The following CAPN15 variants were observed in gnomAD, a reference collection of about 807,000 sequenced individuals.
CAPN15 encodes calpain-15.
A neutral mutation model predicts 97.9 loss-of-function variants in CAPN15; 53 were observed. That is an observed-to-expected ratio of 0.54 (90% CI 0.43 to 0.68). The LOEUF (loss-of-function observed/expected upper bound fraction) is 0.68, where lower values mean the gene tolerates loss of function less well. Ranked by LOEUF, CAPN15 falls within the 30% of genes least tolerant of loss-of-function variation. The pLI is 0.00. For synonymous variants in CAPN15, 922 were observed against 722.5 expected (o/e 1.28, Z -4.43); for missense variants, 1,592 against 1,589.8 (o/e 1.00, Z -0.02).
rs1304377586 is a variant in CAPN15, at chr16:553,051, C to G, written c.3083+10C>G. On this transcript the variant is annotated intron_variant, in intron 13 of 13. Transcript: ENST00000219611. ...TGCCACCCCTGCACAGGTGCGCCCC[C>G]GCCCCTGCCCCCCCACCCCTGCACA... 12 of 1,422,020 alleles carry G rather than the reference C, an allele frequency of 8.4e-6. No homozygotes were observed. In the African/African-American group the frequency reaches 1.6e-4, roughly 19 times the overall value. The allele number at this position is 1,422,020 out of a possible 1,614,324, so 88.1% of individuals were successfully genotyped here.
chr16:552,791 G>A lies in CAPN15; in HGVS notation c.2904+20G>A, dbSNP rs556218259. The A allele has an allele frequency of 9.8e-6, 15 of 1,529,296 alleles. 1 individual carries two copies. In the African/African-American group the frequency reaches 1.7e-4, roughly 17 times the overall value. 94.7% of individuals were successfully genotyped at this position (1,529,296 alleles called of 1,614,324 possible). On this transcript the variant is annotated intron_variant, in intron 12 of 13. Coordinates refer to ENST00000219611, the MANE Select transcript of CAPN15 (RefSeq NM_005632.3). This position sits in a 1 kb window ranked among gnomAD's most constrained non-coding sequence, Gnocchi z 6.4. ...CACGAGGTGGGTGGGGGTCCCGGGG[G>A]AGGGTGGCGTGGGGCAGGGGGAGTA... is the stretch of plus-strand genomic sequence containing the variant.
chr16:538,867 G>GC (rs2033907709), intron 3 of CAPN15: 2 of 150,284 alleles, frequency 1.3e-5, no homozygotes, highest in African/African-American at 4.9e-5. Flanking sequence ...AGCTGGAACT[G>GC]CACCCCCACC....
rs61512373 is a variant in CAPN15 at position 535,021 on chromosome 16, T to G, written c.-136-1008T>G. Among the ~76,000 whole-genome samples, 1 of 151,946 alleles carries G rather than the reference T, an allele frequency of 6.6e-6. No individual in the cohort carries two copies. Among genetic ancestry groups the G allele is most frequent in the Non-Finnish European group, 1.5e-5 (1 of 67,952 alleles). The stretch of plus-strand genomic sequence containing the variant: ...AGTTAGCGAGACAGTGAGGAGTGTA[T>G]GCGGAGTGGACACAGCTGTGGGTGC... On this transcript the variant is annotated intron_variant, in intron 2 of 13. Transcript: ENST00000219611. This position sits in a 1 kb window ranked among gnomAD's most constrained non-coding sequence, Gnocchi z 6.2.
Position 549,727 on chromosome 16 carries a change from C to G in CAPN15, c.1955C>G (p.Thr652Ser). Reference protein sequence around the residue: ...GRAIEGLATLTGAPCESLALQ... With the variant: ...GRAIEGLATLSGAPCESLALQ... The stretch of plus-strand genomic sequence containing the variant: ...GCCATCGAAGGCCTGGCCACGCTCA[C>G]CGGCGCCCCCTGTGAGAGCCTGGCG... Residue 652 changes from threonine (T) to serine (S), a missense_variant, in exon 7 of 14, where the codon ACC becomes AGC. This residue lies in a region of CAPN15 where 644 missense variants were observed against 699.6 expected (regional missense o/e 0.92). Coordinates refer to ENST00000219611, the MANE Select transcript of CAPN15 (RefSeq NM_005632.3). The G allele has an allele frequency of 6.3e-7, 1 of 1,579,170 alleles. No individual in the cohort carries two copies.
At chr16:537,332 G>C in intron 3 of CAPN15, 1 of 985,564 alleles carries the variant, frequency 1.0e-6, no homozygotes, top group Non-Finnish European at 1.2e-6. Flanking sequence ...GGGTGCAGCT[G>C]GGCACCACTT....
At position 547,539 on chromosome 16, in the gene CAPN15, C is replaced by T. The variant is rs754352751; in HGVS notation, c.701C>T (p.Pro234Leu). The T allele has an allele frequency of 1.3e-6, 2 of 1,597,786 alleles. No individual in the cohort carries two copies. Among genetic ancestry groups the T allele is most frequent in the East Asian group, 2.2e-5 (1 of 44,814 alleles). ...CCGCCCAGGGTCCCGCCCTTCAGCCCCTTCTCGTCCACCCTGCAGAACAAC... is the reference window on the plus strand; with the variant it reads ...CCGCCCAGGGTCCCGCCCTTCAGCCTCTTCTCGTCCACCCTGCAGAACAAC... Reference protein sequence around the residue: ...PEPPRVPPFSPFSSTLQNNPV... With the variant: ...PEPPRVPPFSLFSSTLQNNPV... Residue 234 changes from proline to leucine, a missense_variant, in exon 4 of 14, where the codon CCC becomes CTC. Physicochemically the swap from Pro to Leu is moderately conservative, Grantham distance 98. Transcript: ENST00000219611.
In CAPN15 at chr16:536,158, A is replaced by C. The variant is rs2141973530; in HGVS notation, c.-23+16A>C. 3.5e-6 allele frequency: 3 copies of C among 861,250 alleles called. No homozygotes were observed. Among genetic ancestry groups the C allele is most frequent in the Non-Finnish European group, 4.2e-6 (3 of 716,540 alleles). 53.4% of individuals were successfully genotyped at this position (861,250 alleles called of 1,614,324 possible). A position where few individuals can be genotyped will look rare whatever the true frequency, so the allele number is the denominator to read the frequency against. On this transcript the variant is annotated intron_variant, in intron 3 of 13. Transcript: ENST00000219611. ...GGAGTGGCAGGTGAGCGTTCCTCCCAAGAGCCTCTGGCTGGCCGCAGCAGG... is the reference window on the plus strand; with the variant it reads ...GGAGTGGCAGGTGAGCGTTCCTCCCCAGAGCCTCTGGCTGGCCGCAGCAGG...
Position 548,113 on chromosome 16 carries a change from C to A in CAPN15, c.1275C>A (p.Asn425Lys). The part of the protein sequence containing the change: ...QWACPACTLL[N>K]ALRAKHCAAC... Reference sequence around the variant, plus strand: ...CCTGCCCTGCCTGTACCCTGCTCAACGCACTGCGGGCCAAGCACTGCGCCG... The same window carrying A: ...CCTGCCCTGCCTGTACCCTGCTCAAAGCACTGCGGGCCAAGCACTGCGCCG... Residue 425 changes from asparagine (N) to lysine (K), a missense_variant, in exon 4 of 14, where the codon AAC becomes AAA. Asn to Lys is a moderately conservative substitution (Grantham distance 94, BLOSUM62 0). This residue lies in a region of CAPN15 where 883 missense variants were observed against 776.6 expected (regional missense o/e 1.14). Transcript: ENST00000219611. The A allele has an allele frequency of 1.3e-6, 2 of 1,537,888 alleles. No individual in the cohort carries two copies. Among genetic ancestry groups the A allele is most frequent in the South Asian group, 1.2e-5 (1 of 81,276 alleles).
At chr16:548,924 G>T in intron 4 of CAPN15, 69 bp from the exon 5 acceptor site, 1 of 1,444,668 alleles carries the variant, frequency 6.9e-7, no homozygotes, top group South Asian at 1.1e-5. Context: ...TCCTGGGTGG[G>T]GTCTTGTCCC....
Position 544,958 on chromosome 16 carries a change from A to G in CAPN15, c.-22-1859A>G, listed in dbSNP as rs541537383. On this transcript the variant is annotated intron_variant, in intron 3 of 13. Coordinates refer to ENST00000219611, the MANE Select transcript of CAPN15 (RefSeq NM_005632.3). ...CTCCCTTCGAAGGTAACCATCCTGC[A>G]GTAGTGAGGGCTCCTTGCTGAGCAC... 6.6e-5 allele frequency among the ~76,000 whole-genome samples: 9 copies of G among 136,334 alleles called. No individual in the cohort carries two copies. In the East Asian group the frequency reaches 1.7e-3, roughly 26 times the overall value. 89.4% of individuals were successfully genotyped at this position (136,334 alleles called of 152,430 possible).
At chr16:544,760 A>ACGT (rs546178371) in intron 3 of CAPN15, among the ~76,000 whole-genome samples, 3 of 12,132 alleles carry the variant, frequency 2.5e-4, no homozygotes, top group African/African-American at 9.6e-4. Context: ...CGCCTCCCCC[A>ACGT]CGTCGCCTCC....
intron 1 of CAPN15, among the ~76,000 whole-genome samples, chr16:529,123 T>C (rs900828693): frequency 6.6e-6 from 1 of 151,880 alleles, no homozygotes; most frequent in African/African-American, 2.4e-5. Context: ...GTCCTTCTGC[T>C]TGCGGGAGGA....
chr16:541,464 G>A (rs952495867), intron 3 of CAPN15, among the ~76,000 whole-genome samples: 3 of 152,240 alleles, frequency 2.0e-5, no homozygotes, highest in Admixed American at 6.5e-5. Context: ...GGGAGGGGCC[G>A]TGTGGGGCCT....
rs769060825 is a variant in CAPN15 at position 552,927 on chromosome 16, A to T, written c.2969A>T (p.Glu990Val). ...TGGGCGGGGCTCATCGTGGTGGTGG[A>T]GAACCGACACCCCAAGGCCTACCTG... ...HGWAGLIVVV[E>V]NRHPKAYLHV... The change falls in exon 13 of 14, where the codon GAG (glutamate) becomes GTG (valine). Residue 990 changes from glutamate (E) to valine (V), a missense_variant. Physicochemically the swap from Glu to Val is moderately radical, Grantham distance 121. Coordinates refer to ENST00000219611, the MANE Select transcript of CAPN15 (RefSeq NM_005632.3). The surrounding 1 kb of genome is among the most constrained non-coding windows in gnomAD (Gnocchi z 6.4). 2 of 1,611,630 alleles carry T rather than the reference A, an allele frequency of 1.2e-6. No individual in the cohort carries two copies. Among genetic ancestry groups the T allele is most frequent in the Non-Finnish European group, 1.7e-6 (2 of 1,179,356 alleles).
At position 552,553 on chromosome 16, in the gene CAPN15, T is replaced by A; in HGVS notation, c.2737+23T>A. 6.3e-7 allele frequency: 1 copy of A among 1,580,030 alleles called. No individual in the cohort carries two copies. Among genetic ancestry groups the A allele is most frequent in the Middle Eastern group, 1.7e-4 (1 of 6,014 alleles). The stretch of plus-strand genomic sequence containing the variant: ...AGGGTACGTGGCCCCTACCCCAGGC[T>A]CATGCCCCAGGCCCACGGGGAGGGC... On this transcript the variant is annotated intron_variant, in intron 11 of 13. Coordinates refer to ENST00000219611, the MANE Select transcript of CAPN15 (RefSeq NM_005632.3). This position sits in a 1 kb window ranked among gnomAD's most constrained non-coding sequence, Gnocchi z 6.4.
In CAPN15 at chr16:554,196, C is replaced by T; in HGVS notation, c.*680C>T. On this transcript the variant is annotated 3_prime_UTR_variant, in exon 14 of 14. Coordinates refer to ENST00000219611, the MANE Select transcript of CAPN15 (RefSeq NM_005632.3). ...GCACCGCTCACTGCTGCCGGGCACA[C>T]TGGGACCAGCAGGCTCCTCAGCCAA... 3.3e-6 allele frequency: 1 copy of T among 302,232 alleles called. No homozygotes were observed. Among genetic ancestry groups the T allele is most frequent in the South Asian group, 3.1e-5 (1 of 32,138 alleles). 18.7% of individuals were successfully genotyped at this position (302,232 alleles called of 1,614,324 possible). A position where few individuals can be genotyped will look rare whatever the true frequency, so the allele number is the denominator to read the frequency against.
intron 3 of CAPN15, chr16:537,844 C>G (rs1304996599): frequency 6.6e-6 from 1 of 152,406 alleles, no homozygotes; most frequent in African/African-American, 2.4e-5. Context: ...GCATTCGAGA[C>G]CCCGTGGACC....
chr16:545,312 G>T (rs1018028437), intron 3 of CAPN15, among the ~76,000 whole-genome samples: 1 of 152,036 alleles, frequency 6.6e-6, no homozygotes, highest in African/African-American at 2.4e-5. Flanking sequence ...AGGGCAGGGA[G>T]GGTGGGGGCC....
At position 548,107 on chromosome 16, in the gene CAPN15, G is replaced by A. The variant is rs868196923; in HGVS notation, c.1269G>A (p.Leu423=). 1.3e-6 allele frequency: 2 copies of A among 1,539,388 alleles called. No homozygotes were observed. The highest frequency in any genetic ancestry group is 1.2e-5 in the South Asian group (1 of 81,502). The part of the protein sequence containing the change: ...PGQWACPACT[L]LNALRAKHCA... ...AGTGGGCCTGCCCTGCCTGTACCCT[G>A]CTCAACGCACTGCGGGCCAAGCACT... is the stretch of plus-strand genomic sequence containing the variant. Residue 423 remains leucine, a synonymous_variant, in exon 4 of 14, where the codon CTG becomes CTA. Coordinates refer to ENST00000219611, the MANE Select transcript of CAPN15 (RefSeq NM_005632.3).
Sources: gnomAD v4.1 joint callset for allele counts (sites outside exome capture counted in the v4.1 genomes callset) on GRCh38, gnomAD v4.1.1 for gene constraint, gnomAD v4.1.1 regional missense constraint, Gnocchi (gnomAD v3.1) non-coding constraint, MANE v1.5 for transcripts, NCBI Gene and HGNC (gene_info 2026-07-23, HGNC 2026-07-21) for gene names.